Variants in ATRNL1 observed in about 807,000 individuals in gnomAD.
The protein encoded by ATRNL1 is attractin-like protein 1.
A neutral mutation model predicts 182.7 loss-of-function variants in ATRNL1; 95 were observed. The observed-to-expected ratio is 0.52, with a 90% confidence interval of 0.44 to 0.62. ATRNL1 has a LOEUF of 0.62. ATRNL1 is among the 20% of genes least tolerant of loss of function. The probability of loss-of-function intolerance (pLI) is 0.00; values close to 1 mark genes in which losing one functional copy is unlikely to be tolerated. For missense variants in ATRNL1, 1,471 were observed against 1,679.5 expected (o/e 0.88, Z 2.17); for synonymous variants, 576 against 568.3 (o/e 1.01, Z -0.19).
At chr10:115,248,861 G>C (rs1490196267) in intron 10 of ATRNL1, among the ~76,000 whole-genome samples, 1 of 152,196 alleles carries the variant, frequency 6.6e-6, no homozygotes, top group Non-Finnish European at 1.5e-5. Flanking sequence ...TTCTATTACA[G>C]AAGTTTTGAA....
chr10:115,251,504 G>A (rs782449109), intron 10 of ATRNL1, among the ~76,000 whole-genome samples: 4 of 152,028 alleles, frequency 2.6e-5, no homozygotes, highest in Admixed American at 6.6e-5. Context: ...TCCCATCATT[G>A]GGCTAAGTTC....
intron 27 of ATRNL1, among the ~76,000 whole-genome samples, chr10:115,816,218 A>G (rs1555088514): frequency 6.6e-6 from 1 of 152,146 alleles, no homozygotes; most frequent in Non-Finnish European, 1.5e-5. Flanking sequence ...TGATCTGCCA[A>G]CTGCAGTTTG....
At chr10:115,385,711 G>A (rs782411232) in intron 19 of ATRNL1, among the ~76,000 whole-genome samples, 23 of 152,104 alleles carry the variant, frequency 1.5e-4, no homozygotes, top group Non-Finnish European at 2.4e-4. Flanking sequence ...ATGGAAATTT[G>A]TGATTAATTC....
intron 8 of ATRNL1, among the ~76,000 whole-genome samples, chr10:115,203,608 C>T (rs1448349895): frequency 2.5e-5 from 3 of 119,722 alleles, no homozygotes; most frequent in African/African-American, 9.5e-5. Flanking sequence ...GAGATGGAGT[C>T]TTGCTCTGTC....
intron 19 of ATRNL1, among the ~76,000 whole-genome samples, chr10:115,338,082 C>T (rs555804048): frequency 6.6e-6 from 1 of 152,032 alleles, no homozygotes; most frequent in African/African-American, 2.4e-5. Context: ...GCTGTGCAGC[C>T]GGTTCCTGAC....
chr10:115,684,869 A>G (rs570978699), intron 26 of ATRNL1, among the ~76,000 whole-genome samples: 1 of 151,868 alleles, frequency 6.6e-6, no homozygotes, highest in African/African-American at 2.4e-5. Flanking sequence ...TACTTAACAA[A>G]TGTTAGTCTT....
chr10:115,682,160 A>T (rs1038227810), intron 26 of ATRNL1, among the ~76,000 whole-genome samples: 2 of 152,102 alleles, frequency 1.3e-5, no homozygotes, highest in African/African-American at 2.4e-5. Context: ...CACAAGTCTC[A>T]CCCTAGCTCC....
chr10:115,188,829 A>G (rs1301565221), intron 8 of ATRNL1, among the ~76,000 whole-genome samples: 3 of 152,114 alleles, frequency 2.0e-5, no homozygotes, highest in Non-Finnish European at 4.4e-5. Flanking sequence ...AAACAGATGT[A>G]TTAAGTGGTG....
At chr10:115,302,194 C>G (rs1238878311) in intron 17 of ATRNL1, 151 bp downstream of exon 17, 2 of 704,966 alleles carry the variant, frequency 2.8e-6, no homozygotes, top group African/African-American at 1.8e-5. Flanking sequence ...TACTGTTAAC[C>G]TCTGATTTTT....
At chr10:115,805,598 G>A (rs971859635) in intron 27 of ATRNL1, among the ~76,000 whole-genome samples, 1 of 152,068 alleles carries the variant, frequency 6.6e-6, no homozygotes, top group South Asian at 2.1e-4. Context: ...AGGGAGCTTA[G>A]TTCTATGTAG....
intron 19 of ATRNL1, among the ~76,000 whole-genome samples, chr10:115,340,026 C>T (rs1302326023): frequency 6.6e-6 from 1 of 152,144 alleles, no homozygotes; most frequent in East Asian, 1.9e-4. Flanking sequence ...TATGTTGAAC[C>T]ATTCTTGCAT....
chr10:115,233,155 A>G (rs960597445), intron 9 of ATRNL1, among the ~76,000 whole-genome samples: 1 of 152,016 alleles, frequency 6.6e-6, no homozygotes. Context: ...TCTTGTAAGG[A>G]CACCAGTCAC....
chr10:115,365,911 T>C (rs1857011567), intron 19 of ATRNL1, among the ~76,000 whole-genome samples: 1 of 152,202 alleles, frequency 6.6e-6, no homozygotes, highest in Non-Finnish European at 1.5e-5. Flanking sequence ...TCTGTTCTTT[T>C]ACATTTGCTG....
intron 26 of ATRNL1, among the ~76,000 whole-genome samples, chr10:115,700,375 T>C (rs1946695165): frequency 6.6e-6 from 1 of 152,110 alleles, no homozygotes; most frequent in East Asian, 1.9e-4. Flanking sequence ...TTTAAAAATA[T>C]GCATTCTGGC....
intron 19 of ATRNL1, among the ~76,000 whole-genome samples, chr10:115,336,919 C>T (rs1554936861): frequency 1.4e-5 from 2 of 148,118 alleles, no homozygotes; most frequent in Admixed American, 1.3e-4. Flanking sequence ...GATCTCGGCT[C>T]ACTGCAACCT....
At chr10:115,813,081 A>G (rs1253579069) in intron 27 of ATRNL1, among the ~76,000 whole-genome samples, 1 of 152,050 alleles carries the variant, frequency 6.6e-6, no homozygotes, top group Non-Finnish European at 1.5e-5. Flanking sequence ...TTAGAATGTC[A>G]TTTTGAAGTG....
chr10:115,176,669 A>G (rs1847521745), intron 8 of ATRNL1, among the ~76,000 whole-genome samples: 1 of 152,114 alleles, frequency 6.6e-6, no homozygotes, highest in African/African-American at 2.4e-5. Flanking sequence ...TAGATTGTGA[A>G]GCAGGTTTGG....
chr10:115,899,544 G>A (rs1403308336), intron 28 of ATRNL1, among the ~76,000 whole-genome samples: 1 of 152,134 alleles, frequency 6.6e-6, no homozygotes, highest in Non-Finnish European at 1.5e-5. Flanking sequence ...CCAACCTCAG[G>A]TGATCTGCCC....
chr10:115,370,687 G>T (rs1554947778), intron 19 of ATRNL1, among the ~76,000 whole-genome samples: 1 of 152,144 alleles, frequency 6.6e-6, no homozygotes, highest in African/African-American at 2.4e-5. Context: ...AGTTTTAAAA[G>T]GGAAACAGCA....
Sources: allele counts gnomAD v4.1 joint callset (sites outside exome capture counted in the v4.1 genomes callset), GRCh38; gene constraint gnomAD v4.1.1; transcripts MANE v1.5; gene names NCBI Gene and HGNC (gene_info 2026-07-23, HGNC 2026-07-21).